PPM1L: variants seen among roughly 807,000 people sequenced by gnomAD.
The protein encoded by PPM1L is protein phosphatase 1L.
In PPM1L, 13 loss-of-function variants were observed where a neutral mutation model predicts 31.4. The ratio of observed to expected loss-of-function variants is 0.41; its 90% CI spans 0.27 to 0.66. The LOEUF (loss-of-function observed/expected upper bound fraction) is 0.66. Ranked by LOEUF, PPM1L falls within the 30% of genes least tolerant of loss-of-function variation. The pLI, the probability that PPM1L is intolerant of heterozygous loss-of-function variation, is 0.29. For synonymous variants in PPM1L, 184 were observed against 175.4 expected, an observed-to-expected ratio of 1.05 and a Z score of -0.39; for missense variants, 326 against 453.7, an observed-to-expected ratio of 0.72 and a Z score of 2.56.
chr3:161,029,441 C>T (rs182349932), intron 2 of PPM1L, among the ~76,000 whole-genome samples: 94 of 152,252 alleles, frequency 6.2e-4, no homozygotes, highest in African/African-American at 2.2e-3. Context: ...GCACATTTTA[C>T]AAGAATGTCA....
intron 2 of PPM1L, among the ~76,000 whole-genome samples, chr3:160,967,343 T>C (rs1363393869): frequency 6.6e-6 from 1 of 151,986 alleles, no homozygotes; most frequent in Non-Finnish European, 1.5e-5. Context: ...TTTAACAAAA[T>C]ACCATAGACT....
chr3:160,967,023 C>G (rs780112759), intron 2 of PPM1L, among the ~76,000 whole-genome samples: 5 of 152,052 alleles, frequency 3.3e-5, no homozygotes, highest in Non-Finnish European at 5.9e-5. Flanking sequence ...CCCATAATCC[C>G]CATGTGTCAT....
rs1356018701 is a variant in PPM1L, at chr3:160,944,855, T to C, written c.400-16881T>C. Among the ~76,000 whole-genome samples, 2 of 41,982 alleles carry C rather than the reference T, an allele frequency of 4.8e-5. 1 individual carries two copies. The highest frequency in any genetic ancestry group is 1.2e-4 in the Non-Finnish European group (2 of 17,090). 27.5% of individuals were successfully genotyped at this position (41,982 alleles called of 152,430 possible). ...ACATATATATGTTATATATAACATATATTATATATAATGTTATATATAACA... is the reference window on the plus strand; with the variant it reads ...ACATATATATGTTATATATAACATACATTATATATAATGTTATATATAACA... On this transcript the variant is annotated intron_variant, in intron 1 of 3. Coordinates refer to ENST00000498165, the MANE Select transcript of PPM1L (RefSeq NM_139245.4).
At chr3:160,769,909 G>T (rs189209828) in intron 1 of PPM1L, among the ~76,000 whole-genome samples, 3 of 152,176 alleles carry the variant, frequency 2.0e-5, no homozygotes, top group African/African-American at 7.2e-5. Flanking sequence ...CAATGGTCTA[G>T]GCTACAGTGA....
rs1026094220 is a variant in PPM1L at position 160,807,831 on chromosome 3, ATGACT to A, written c.399+51131_399+51135del. On this transcript the variant is annotated intron_variant, in intron 1 of 3. Transcript: ENST00000498165. ...GCACTTTTTTTTTTTTTTGTGAATG[ATGACT>A]TGACTTTGTTTCTACTGAGAATAAG... is the stretch of plus-strand genomic sequence containing the variant. Among the ~76,000 whole-genome samples the A allele has an allele frequency of 4.0e-5, 6 of 150,306 alleles. No individual in the cohort carries two copies. The South Asian group carries it at 8.4e-4, about 21-fold the overall frequency.
intron 2 of PPM1L, among the ~76,000 whole-genome samples, chr3:161,035,088 G>T (rs551728066): frequency 6.6e-6 from 1 of 150,666 alleles, no homozygotes; most frequent in South Asian, 2.1e-4. Context: ...CTGTCAGGGG[G>T]TGGGGGGCAA....
intron 2 of PPM1L, among the ~76,000 whole-genome samples, chr3:161,033,828 C>T (rs566589428): frequency 4.4e-4 from 67 of 152,120 alleles, no homozygotes; most frequent in Non-Finnish European, 1.5e-5. Flanking sequence ...CAACAAAAGC[C>T]CAAACTGACA....
chr3:160,887,889 A>G (rs1712978551), intron 1 of PPM1L, among the ~76,000 whole-genome samples: 3 of 152,070 alleles, frequency 2.0e-5, no homozygotes, highest in Admixed American at 2.0e-4. Flanking sequence ...CAACATTCTT[A>G]AAGAAAAGAA....
At chr3:161,021,159 C>G (rs1050722035) in intron 2 of PPM1L, among the ~76,000 whole-genome samples, 2 of 151,726 alleles carry the variant, frequency 1.3e-5, no homozygotes, top group Admixed American at 6.6e-5. Context: ...TGAGAGCTTT[C>G]TTCTTTAATA....
At chr3:160,835,169 T>TC (rs1713678697) in intron 1 of PPM1L, among the ~76,000 whole-genome samples, 1 of 140,544 alleles carries the variant, frequency 7.1e-6, no homozygotes, top group Non-Finnish European at 1.5e-5. Flanking sequence ...TTTTTTTTTT[T>TC]CAGAATGGGG....
chr3:160,874,487 C>T (rs1288551126), intron 1 of PPM1L, among the ~76,000 whole-genome samples: 1 of 152,148 alleles, frequency 6.6e-6, no homozygotes, highest in African/African-American at 2.4e-5. Context: ...ATTTCTATTG[C>T]TTGTAACCAA....
intron 1 of PPM1L, among the ~76,000 whole-genome samples, chr3:160,944,877 A>AT (rs1559897276): frequency 2.1e-5 from 1 of 47,798 alleles, no homozygotes; most frequent in African/African-American, 6.4e-5. Flanking sequence ...TGTTATATAT[A>AT]ACATATATAT....
At position 161,074,889 on chromosome 3, in the gene PPM1L, G is replaced by A. The variant is rs1273253427; in HGVS notation, c.*5732G>A. On this transcript the variant is annotated 3_prime_UTR_variant, in exon 4 of 4. Transcript: ENST00000498165. ...CAAGCATGCAGCAAAGGCATAGACT[G>A]TATTTAGAGATGTGGTTTCATTTAT... The A allele has an allele frequency of 1.3e-5, 2 of 152,166 alleles. No individual in the cohort carries two copies. The highest frequency in any genetic ancestry group is 2.9e-5 in the Non-Finnish European group (2 of 68,030). The allele number at this position is 152,166 out of a possible 1,614,324, so 9.4% of individuals were successfully genotyped here. A position where few individuals can be genotyped will look rare whatever the true frequency, so the allele number is the denominator to read the frequency against.
At chr3:161,043,087 G>C (rs1016783940) in intron 2 of PPM1L, among the ~76,000 whole-genome samples, 1 of 149,316 alleles carries the variant, frequency 6.7e-6, no homozygotes, top group Admixed American at 6.7e-5. Flanking sequence ...ACATTTGCCT[G>C]GAAAATAGAC....
intron 1 of PPM1L, among the ~76,000 whole-genome samples, chr3:160,786,053 C>T (rs1399424651): frequency 1.4e-5 from 2 of 148,004 alleles, no homozygotes; most frequent in Non-Finnish European, 3.0e-5. Context: ...TTCCTAAATC[C>T]CACTTTCATG....
At chr3:160,776,510 ATATT>A (rs1204645942) in intron 1 of PPM1L, among the ~76,000 whole-genome samples, 1 of 152,130 alleles carries the variant, frequency 6.6e-6, no homozygotes, top group Non-Finnish European at 1.5e-5. Context: ...ATGGCTATGA[ATATT>A]TAGACTTATA....
At chr3:160,945,196 GT>G (rs1715369715) in intron 1 of PPM1L, among the ~76,000 whole-genome samples, 1 of 148,960 alleles carries the variant, frequency 6.7e-6, no homozygotes, top group Non-Finnish European at 1.5e-5. Context: ...CTGTAACAGT[GT>G]TTGGCACACA....
intron 2 of PPM1L, among the ~76,000 whole-genome samples, chr3:160,990,409 A>G (rs116694559): frequency 1.3e-5 from 2 of 152,342 alleles, no homozygotes; most frequent in Non-Finnish European, 2.9e-5. Context: ...AAAATGCCCT[A>G]ACATAAAGGG....
At chr3:161,016,678 T>G (rs1718096120) in intron 2 of PPM1L, among the ~76,000 whole-genome samples, 1 of 152,208 alleles carries the variant, frequency 6.6e-6, no homozygotes, top group Non-Finnish European at 1.5e-5. Flanking sequence ...TATATTTTGA[T>G]AGGAGAGGTG....
Sources: gnomAD v4.1 joint callset for allele counts (sites outside exome capture counted in the v4.1 genomes callset) on GRCh38, gnomAD v4.1.1 for gene constraint, MANE v1.5 for transcripts, NCBI Gene and HGNC (gene_info 2026-07-23, HGNC 2026-07-21) for gene names.